C1GALT1: variants seen among roughly 807,000 people sequenced by gnomAD.
C1GALT1 encodes glycoprotein-N-acetylgalactosamine 3-beta-galactosyltransferase 1.
A neutral mutation model predicts 31.0 loss-of-function variants in C1GALT1; 11 were observed. The ratio of observed to expected loss-of-function variants is 0.36; its 90% CI spans 0.22 to 0.59. C1GALT1 has a LOEUF of 0.59. Ranked by LOEUF, C1GALT1 falls within the 20% of genes least tolerant of loss-of-function variation. The pLI, the probability that C1GALT1 is intolerant of heterozygous loss-of-function variation, is 0.79. For missense variants in C1GALT1, 424 were observed against 425.2 expected (o/e 1.00, Z 0.03); for synonymous variants, 175 against 143.6 (o/e 1.22, Z -1.56).
chr7:7,216,034 C>T lies in C1GALT1; in HGVS notation c.-17-18269C>T, dbSNP rs985195131. On this transcript the variant is annotated intron_variant, in intron 1 of 3. Coordinates refer to ENST00000436587, the MANE Select transcript of C1GALT1 (RefSeq NM_020156.5). ...TTCCCTGGGCCTGCCCAATATGGTG[C>T]TAAAAGATCTGAGTTGATCTTACAA... Among the ~76,000 whole-genome samples, 4 of 151,908 alleles carry T rather than the reference C, an allele frequency of 2.6e-5. No homozygotes were observed. In the South Asian group the frequency reaches 8.3e-4, roughly 32 times the overall value.
In C1GALT1 at chr7:7,170,553, C is replaced by T. The variant is rs189647847; in HGVS notation, c.-18+13127C>T. ...ATCCCAGCACTTTGGGAGGCCGAGG[C>T]GGGCAGATCACCTGAGGTCAGGAGT... On this transcript the variant is annotated intron_variant, in intron 2 of 3. Transcript: ENST00000429911. 2.9e-3 allele frequency among the ~76,000 whole-genome samples: 441 copies of T among 152,260 alleles called. 1 individual carries two copies. Among genetic ancestry groups the T allele is most frequent in the Middle Eastern group, 0.01 (3 of 294 alleles).
Position 7,232,550 on chromosome 7 carries a change from T to C in C1GALT1, c.-17-1753T>C, listed in dbSNP as rs1562592960. ...CTCTGTCACCCAGGCTGTAATACAG[T>C]GGCATGATCTCGGTCCTGCAGTCCT... On this transcript the variant is annotated intron_variant, in intron 1 of 3. Coordinates refer to ENST00000436587, the MANE Select transcript of C1GALT1 (RefSeq NM_020156.5). Among the ~76,000 whole-genome samples the C allele has an allele frequency of 2.6e-5, 4 of 151,184 alleles. No individual in the cohort carries two copies. In the South Asian group the frequency reaches 8.3e-4, roughly 31 times the overall value.
intron 1 of C1GALT1, among the ~76,000 whole-genome samples, chr7:7,198,891 C>T (rs1475410537): frequency 6.6e-6 from 1 of 152,122 alleles, no homozygotes; most frequent in Non-Finnish European, 1.5e-5. Context: ...TGCCCTTTAT[C>T]ATTTTTTATT....
At chr7:7,208,142 GATT>G (rs1304118920) in intron 1 of C1GALT1, among the ~76,000 whole-genome samples, 6 of 152,064 alleles carry the variant, frequency 3.9e-5, no homozygotes, top group Admixed American at 3.3e-4. Context: ...CAGCTGTCTT[GATT>G]ATTAGGTTGA....
intron 1 of C1GALT1, among the ~76,000 whole-genome samples, chr7:7,187,350 C>G (rs369915332): frequency 6.6e-6 from 1 of 151,854 alleles, no homozygotes; most frequent in South Asian, 2.1e-4. Context: ...CCTGGGTTCA[C>G]GCCATTCTCC....
intron 1 of C1GALT1, among the ~76,000 whole-genome samples, chr7:7,184,884 A>G (rs184165816): frequency 2.6e-5 from 4 of 152,340 alleles, no homozygotes; most frequent in African/African-American, 4.8e-5. Context: ...TTTTACTTCA[A>G]ATTCAGTGGG....
At chr7:7,243,276 G>A (rs1783708675) in intron 3 of C1GALT1, among the ~76,000 whole-genome samples, 1 of 152,056 alleles carries the variant, frequency 6.6e-6, no homozygotes, top group South Asian at 2.1e-4. Flanking sequence ...AGAGAATATT[G>A]TTTCATTTAA....
chr7:7,239,033 C>CTTAGTCTTTTTAAATAGAGTGGCAGTATA (rs1783501305), intron 3 of C1GALT1, 111 bp downstream of exon 3: 2 of 875,308 alleles, frequency 2.3e-6, no homozygotes, highest in South Asian at 3.6e-5. Context: ...AGGACTCTTC[C>CTTAGTCTTTTTAAATAGAGTGGCAGTATA]TTAGTCTTTT....
chr7:7,176,863 T>C (rs1367468641), intron 2 of C1GALT1, among the ~76,000 whole-genome samples: 1 of 152,222 alleles, frequency 6.6e-6, no homozygotes, highest in Non-Finnish European at 1.5e-5. Flanking sequence ...CATTGTCAGG[T>C]ATTTTCAATA....
At chr7:7,192,882 G>C (rs1269070321) in intron 1 of C1GALT1, among the ~76,000 whole-genome samples, 1 of 152,088 alleles carries the variant, frequency 6.6e-6, no homozygotes, top group African/African-American at 2.4e-5. Flanking sequence ...TTGTGGTTTT[G>C]ATTTGCATTT....
chr7:7,208,012 T>G (rs1781827693), intron 1 of C1GALT1, among the ~76,000 whole-genome samples: 2 of 152,190 alleles, frequency 1.3e-5, no homozygotes, highest in African/African-American at 4.8e-5. Context: ...TTCATAAGTT[T>G]TAAATTACAT....
rs59248933 is a variant in C1GALT1, at chr7:7,236,092, A to G, written c.220+1553A>G. On this transcript the variant is annotated intron_variant, in intron 2 of 3. Coordinates refer to ENST00000436587, the MANE Select transcript of C1GALT1 (RefSeq NM_020156.5). Reference sequence around the variant, plus strand: ...TGCTCTGTAGGATTTATTAGCCACTATTTTCCTTCAGCACATTGAATCCTT... The same window carrying G: ...TGCTCTGTAGGATTTATTAGCCACTGTTTTCCTTCAGCACATTGAATCCTT... Among the ~76,000 whole-genome samples the G allele has an allele frequency of 1.2e-3, 176 of 152,168 alleles. 2 individuals carry two copies. Among genetic ancestry groups the G allele is most frequent in the East Asian group, 0.011 (55 of 5,174 alleles).
intron 1 of C1GALT1, among the ~76,000 whole-genome samples, chr7:7,193,314 C>T (rs762207764): frequency 9.7e-4 from 148 of 152,012 alleles, no homozygotes; most frequent in Admixed American, 3.4e-3. Context: ...TTGATCTAAT[C>T]TTGAGTTCAT....
chr7:7,194,795 A>G (rs1398785703), intron 1 of C1GALT1, among the ~76,000 whole-genome samples: 2 of 152,122 alleles, frequency 1.3e-5, no homozygotes, highest in Non-Finnish European at 1.5e-5. Flanking sequence ...CTGTGAATCC[A>G]TCTGATTCTG....
chr7:7,186,479 T>C (rs1051108538), intron 1 of C1GALT1, among the ~76,000 whole-genome samples: 2 of 152,230 alleles, frequency 1.3e-5, no homozygotes, highest in East Asian at 3.8e-4. Context: ...AATTGAAATT[T>C]TCAGGCTCCA....
chr7:7,188,112 T>A (rs761514608), intron 1 of C1GALT1, among the ~76,000 whole-genome samples: 1 of 151,842 alleles, frequency 6.6e-6, no homozygotes, highest in East Asian at 1.9e-4. Context: ...ATACTAGAAA[T>A]GGAGAGGAGA....
At chr7:7,212,449 C>G (rs1782047888) in intron 1 of C1GALT1, among the ~76,000 whole-genome samples, 1 of 152,180 alleles carries the variant, frequency 6.6e-6, no homozygotes, top group South Asian at 2.1e-4. Context: ...CTAATGCAAA[C>G]AACTATATTG....
intron 1 of C1GALT1, among the ~76,000 whole-genome samples, chr7:7,196,963 T>C (rs544265057): frequency 6.6e-6 from 1 of 152,312 alleles, no homozygotes; most frequent in Admixed American, 6.5e-5. Flanking sequence ...GATGGGTAGA[T>C]TGTAAAAATT....
intron 2 of C1GALT1, among the ~76,000 whole-genome samples, chr7:7,165,002 C>T (rs1749747266): frequency 6.6e-6 from 1 of 152,136 alleles, no homozygotes; most frequent in African/African-American, 2.4e-5. Context: ...AAAGATTAAC[C>T]TTGCCTGTCA....
Sources: allele counts gnomAD v4.1 joint callset (sites outside exome capture counted in the v4.1 genomes callset), GRCh38; gene constraint gnomAD v4.1.1; transcripts MANE v1.5; gene names NCBI Gene and HGNC (gene_info 2026-07-23, HGNC 2026-07-21).